The following STIM2 variants were observed in gnomAD, a reference collection of about 807,000 sequenced individuals.
STIM2 encodes stromal interaction molecule 2.
STIM2 carries 31 observed loss-of-function variants against 85.8 expected under a neutral mutation model. That is an observed-to-expected ratio of 0.36 (90% confidence interval 0.27 to 0.49). STIM2 has a LOEUF of 0.49. Ranked by LOEUF, STIM2 falls within the 20% of genes least tolerant of loss-of-function variation. STIM2 has a pLI of 0.98. For missense variants in STIM2, 841 were observed against 927.6 expected (o/e 0.91, Z 1.21); for synonymous variants, 356 against 331.1 (o/e 1.08, Z -0.82).
Position 27,003,105 on chromosome 4 carries a change from G to T in STIM2, c.981+1G>T. 1 of 1,560,180 alleles carries T rather than the reference G, an allele frequency of 6.4e-7. No individual in the cohort carries two copies. The stretch of plus-strand genomic sequence containing the variant: ...GTATGCAGAACAGGAATTGGAACAG[G>T]TATTTACATTAAAAAAAAAATCACT... On this transcript the variant is annotated splice_donor_variant, in intron 7 of 11. Coordinates refer to ENST00000467087, the MANE Select transcript of STIM2 (RefSeq NM_020860.4). LOFTEE classifies it high-confidence loss of function.
At chr4:26,914,953 A>G (rs960352437) in intron 1 of STIM2, among the ~76,000 whole-genome samples, 2 of 152,192 alleles carry the variant, frequency 1.3e-5, no homozygotes, top group Non-Finnish European at 2.9e-5. Context: ...TCCTGGCAAT[A>G]TCTGTGATAG....
intron 10 of STIM2, among the ~76,000 whole-genome samples, chr4:27,010,502 T>A (rs1453124504): frequency 6.6e-6 from 1 of 152,128 alleles, no homozygotes; most frequent in Admixed American, 6.6e-5. Context: ...AAATAACTCA[T>A]GTCAAAGATT....
chr4:26,904,176 A>T (rs1193528995), intron 1 of STIM2, among the ~76,000 whole-genome samples: 1 of 141,008 alleles, frequency 7.1e-6, no homozygotes, highest in African/African-American at 2.7e-5. Context: ...TTCTGTTTTC[A>T]TGATCTCTGA....
At chr4:26,984,430 G>A (rs1182513591) in intron 3 of STIM2, among the ~76,000 whole-genome samples, 2 of 152,110 alleles carry the variant, frequency 1.3e-5, no homozygotes, top group East Asian at 1.9e-4. Context: ...GCGTGATCTC[G>A]GCTCACTGCA....
intron 1 of STIM2, among the ~76,000 whole-genome samples, chr4:26,897,845 A>G (rs1723768796): frequency 1.3e-5 from 2 of 152,136 alleles, no homozygotes; most frequent in African/African-American, 4.8e-5. Context: ...GGCTCACTGT[A>G]GCCTTGACCT....
chr4:26,920,171 A>G (rs1461275648), intron 2 of STIM2, among the ~76,000 whole-genome samples: 1 of 152,160 alleles, frequency 6.6e-6, no homozygotes, highest in Non-Finnish European at 1.5e-5. Context: ...ACTTTATTAC[A>G]GCACGGCAGC....
intron 3 of STIM2, among the ~76,000 whole-genome samples, chr4:26,994,294 TC>T (rs1727874642): frequency 6.6e-6 from 1 of 152,072 alleles, no homozygotes; most frequent in Non-Finnish European, 1.5e-5. Flanking sequence ...CCCAATCTTT[TC>T]CTCCCCATTC....
At chr4:26,918,472 C>CT (rs1276723564) in intron 1 of STIM2, among the ~76,000 whole-genome samples, 6 of 152,230 alleles carry the variant, frequency 3.9e-5, no homozygotes, top group African/African-American at 1.4e-4. Context: ...AGATGATAGA[C>CT]TATCGATGAG....
chr4:27,015,337 GTC>G (rs1728695386), intron 10 of STIM2, among the ~76,000 whole-genome samples: 1 of 151,912 alleles, frequency 6.6e-6, no homozygotes, highest in African/African-American at 2.4e-5. Flanking sequence ...TGTTTCAAAT[GTC>G]TCTCAAAACA....
intron 3 of STIM2, among the ~76,000 whole-genome samples, chr4:26,981,585 T>C (rs1353375814): frequency 1.3e-5 from 2 of 152,182 alleles, no homozygotes; most frequent in Admixed American, 1.3e-4. Flanking sequence ...CCATTTGCCC[T>C]AATAATGGCC....
At chr4:26,948,192 G>C (rs1271318898) in intron 2 of STIM2, among the ~76,000 whole-genome samples, 3 of 152,166 alleles carry the variant, frequency 2.0e-5, no homozygotes, top group Non-Finnish European at 4.4e-5. Context: ...CATTCTCCCT[G>C]TATATCTCTC....
chr4:27,002,398 A>C lies in STIM2; in HGVS notation c.803+4A>C. The C allele has an allele frequency of 6.3e-7, 1 of 1,584,548 alleles. No individual in the cohort carries two copies. Among genetic ancestry groups the C allele is most frequent in the Non-Finnish European group, 8.5e-7 (1 of 1,170,568 alleles). On this transcript the variant is annotated splice_donor_region_variant and intron_variant, in intron 6 of 11. Coordinates refer to ENST00000467087, the MANE Select transcript of STIM2 (RefSeq NM_020860.4). The stretch of plus-strand genomic sequence containing the variant: ...GTCTAATGGACTTACAGGAGAGGTA[A>C]GTTCAGAAAAATCATAACTCATTTA...
chr4:26,987,490 C>T (rs964682591), intron 3 of STIM2, among the ~76,000 whole-genome samples: 1 of 152,112 alleles, frequency 6.6e-6, no homozygotes, highest in Non-Finnish European at 1.5e-5. Flanking sequence ...CATATTTTAC[C>T]TCCCCATACT....
At chr4:26,870,691 A>T (rs1263733000) in intron 1 of STIM2, among the ~76,000 whole-genome samples, 2 of 152,202 alleles carry the variant, frequency 1.3e-5, no homozygotes, top group Non-Finnish European at 2.9e-5. Flanking sequence ...CATGTGCCAG[A>T]CACCAGTTGG....
At chr4:26,898,609 G>T (rs1333815136) in intron 1 of STIM2, among the ~76,000 whole-genome samples, 1 of 152,068 alleles carries the variant, frequency 6.6e-6, no homozygotes, top group East Asian at 1.9e-4. Context: ...CAAGAACTTT[G>T]ATCAGTATTT....
chr4:26,929,778 A>G (rs961193661), intron 2 of STIM2, among the ~76,000 whole-genome samples: 1 of 152,128 alleles, frequency 6.6e-6, no homozygotes, highest in African/African-American at 2.4e-5. Flanking sequence ...TAGGAACAAG[A>G]TAGACAAAAT....
intron 1 of STIM2, among the ~76,000 whole-genome samples, chr4:26,880,283 G>A (rs1722956121): frequency 6.6e-6 from 1 of 152,052 alleles, no homozygotes; most frequent in African/African-American, 2.4e-5. Flanking sequence ...TTGCATGTCT[G>A]GATGCAGTAT....
intron 3 of STIM2, among the ~76,000 whole-genome samples, chr4:26,994,833 G>A (rs1727898201): frequency 6.6e-6 from 1 of 152,050 alleles, no homozygotes; most frequent in Admixed American, 6.6e-5. Context: ...GCTCCTTAGA[G>A]AGGCTTACCC....
At chr4:26,889,393 T>C (rs1170188341) in intron 1 of STIM2, among the ~76,000 whole-genome samples, 2 of 152,208 alleles carry the variant, frequency 1.3e-5, no homozygotes, top group Non-Finnish European at 2.9e-5. Flanking sequence ...CTTCATGTGC[T>C]GTAAAGTGTG....
Sources: allele counts gnomAD v4.1 joint callset (sites outside exome capture counted in the v4.1 genomes callset), GRCh38; gene constraint gnomAD v4.1.1; transcripts MANE v1.5; gene names NCBI Gene and HGNC (gene_info 2026-07-23, HGNC 2026-07-21).